TBC1D22B: variants seen among roughly 807,000 people sequenced by gnomAD.
The protein encoded by TBC1D22B is TBC1 domain family member 22B, also known as chromosome 6 open reading frame 197.
TBC1D22B carries 32 observed loss-of-function variants against 69.1 expected under a neutral mutation model. The ratio of observed to expected loss-of-function variants is 0.46; its 90% CI spans 0.35 to 0.62. TBC1D22B has a LOEUF of 0.62. Among genes scored for constraint, TBC1D22B ranks in the 20% least tolerant of loss-of-function variants. The pLI, the probability that TBC1D22B is intolerant of heterozygous loss-of-function variation, is 0.00. For synonymous variants in TBC1D22B, 206 were observed against 229.8 expected, an observed-to-expected ratio of 0.90 and a Z score of 0.94; for missense variants, 462 against 630.9, an observed-to-expected ratio of 0.73 and a Z score of 2.87.
chr6:37,330,222 C>CTTTTTTTTTTTTTTTT lies in TBC1D22B; in HGVS notation c.1390-802_1390-787dup. On this transcript the variant is annotated intron_variant, in intron 12 of 12. Transcript: ENST00000373491. Reference sequence around the variant, plus strand: ...GATGTTATAAATATTTTGTCCGTTTCTTTTTTTTTTTTTTTTTTTTTTTTT... The same window carrying CTTTTTTTTTTTTTTTT: ...GATGTTATAAATATTTTGTCCGTTTCTTTTTTTTTTTTTTTTTTTTTTTTTTTTTTTTTTTTTTTTT... 2.6e-5 allele frequency among the ~76,000 whole-genome samples: 2 copies of CTTTTTTTTTTTTTTTT among 75,582 alleles called. 1 individual carries two copies. The highest frequency in any genetic ancestry group is 4.8e-5 in the Non-Finnish European group (2 of 41,574). The allele number at this position is 75,582 out of a possible 152,430, so 49.6% of individuals were successfully genotyped here.
chr6:37,260,635 A>G (rs1766059461), intron 1 of TBC1D22B, among the ~76,000 whole-genome samples: 1 of 152,188 alleles, frequency 6.6e-6, no homozygotes, highest in African/African-American at 2.4e-5. Flanking sequence ...ACCTGTTTAC[A>G]GTCACTCCCC....
At chr6:37,278,181 A>C (rs1224898524) in intron 2 of TBC1D22B, among the ~76,000 whole-genome samples, 6 of 152,190 alleles carry the variant, frequency 3.9e-5, no homozygotes, top group Non-Finnish European at 7.3e-5. Flanking sequence ...AAACAATCTT[A>C]TTAAATCCAG....
chr6:37,303,854 C>T (rs1767634550), intron 8 of TBC1D22B, among the ~76,000 whole-genome samples: 1 of 152,182 alleles, frequency 6.6e-6, no homozygotes, highest in African/African-American at 2.4e-5. Flanking sequence ...CTATTTCTGT[C>T]ACTCTGTAGA....
At chr6:37,275,756 AG>A (rs1766649496) in intron 2 of TBC1D22B, among the ~76,000 whole-genome samples, 2 of 152,180 alleles carry the variant, frequency 1.3e-5, no homozygotes, top group Admixed American at 1.3e-4. Flanking sequence ...GAATATGGCT[AG>A]TGAGTAGCCA....
At chr6:37,277,001 G>A (rs922263073) in intron 2 of TBC1D22B, among the ~76,000 whole-genome samples, 2 of 152,166 alleles carry the variant, frequency 1.3e-5, no homozygotes, top group East Asian at 1.9e-4. Context: ...GCTGGTTAAC[G>A]GCCTTCATTT....
rs1768606720 is a variant in TBC1D22B at position 37,332,352 on chromosome 6, C to G, written c.*1180C>G. ...GGAAGGGACTGCAGAGGCGGGCAAG[C>G]CCTCTCTATGTGTTTTTATCCCCAC... On this transcript the variant is annotated 3_prime_UTR_variant, in exon 13 of 13. Transcript: ENST00000373491. 1 of 152,502 alleles carries G rather than the reference C, an allele frequency of 6.6e-6. No individual in the cohort carries two copies. Among genetic ancestry groups the G allele is most frequent in the Admixed American group, 6.6e-5 (1 of 15,266 alleles). 9.4% of individuals were successfully genotyped at this position (152,502 alleles called of 1,614,324 possible).
intron 8 of TBC1D22B, among the ~76,000 whole-genome samples, chr6:37,298,478 A>G (rs746622232): frequency 1.3e-5 from 2 of 151,702 alleles, no homozygotes; most frequent in Non-Finnish European, 2.9e-5. Context: ...CATTATTTCT[A>G]TAACAAGACT....
intron 8 of TBC1D22B, among the ~76,000 whole-genome samples, chr6:37,307,180 C>T (rs1218950340): frequency 2.0e-5 from 3 of 152,124 alleles, no homozygotes; most frequent in South Asian, 4.2e-4. Context: ...TGAACCAGTT[C>T]AAAATTATTA....
intron 1 of TBC1D22B, 189 bp downstream of exon 1, chr6:37,258,162 T>A (rs1308989742): frequency 1.6e-6 from 1 of 634,714 alleles, no homozygotes; most frequent in African/African-American, 1.9e-5. Context: ...CGGCTGGATG[T>A]GGGTGTAGAC....
chr6:37,261,121 A>G (rs1464521817), intron 1 of TBC1D22B, among the ~76,000 whole-genome samples: 1 of 152,170 alleles, frequency 6.6e-6, no homozygotes, highest in Non-Finnish European at 1.5e-5. Flanking sequence ...ATTAATGCCT[A>G]GAAGATAAGA....
intron 12 of TBC1D22B, among the ~76,000 whole-genome samples, chr6:37,318,228 G>A (rs1354477335): frequency 1.3e-5 from 2 of 152,184 alleles, no homozygotes; most frequent in Admixed American, 1.3e-4. Flanking sequence ...GTGAGAAGTG[G>A]CCAGATTTTG....
At chr6:37,317,081 G>A (rs1443363666) in intron 11 of TBC1D22B, 30 bp from the exon 12 acceptor site, 1 of 1,549,778 alleles carries the variant, frequency 6.5e-7, no homozygotes, top group South Asian at 1.2e-5. Flanking sequence ...TCAGGGCTGG[G>A]AGACCTAACT....
At chr6:37,325,050 A>G (rs145967500) in intron 12 of TBC1D22B, among the ~76,000 whole-genome samples, 26 of 152,172 alleles carry the variant, frequency 1.7e-4, no homozygotes, top group Admixed American at 4.6e-4. Flanking sequence ...CTTCCTCCTC[A>G]ATTATTCTCC....
chr6:37,299,924 G>A (rs169019), intron 8 of TBC1D22B, among the ~76,000 whole-genome samples: 1 of 150,430 alleles, frequency 6.6e-6, no homozygotes, highest in African/African-American at 2.5e-5. Flanking sequence ...CAGGAGAATC[G>A]CTTGAACCTG....
chr6:37,324,445 TA>T, intron 12 of TBC1D22B: 1 of 447,638 alleles, frequency 2.2e-6, no homozygotes, highest in Non-Finnish European at 4.5e-6. Context: ...CTGGATACTT[TA>T]TAAGGACTGT....
intron 6 of TBC1D22B, 49 bp downstream of exon 6, chr6:37,284,513 G>A (rs1365124175): frequency 6.6e-7 from 1 of 1,517,872 alleles, no homozygotes; most frequent in Non-Finnish European, 8.8e-7. Flanking sequence ...TATACTTTAG[G>A]TATGTCTCAT....
chr6:37,260,914 T>G (rs1247785315), intron 1 of TBC1D22B, among the ~76,000 whole-genome samples: 1 of 152,190 alleles, frequency 6.6e-6, no homozygotes. Context: ...TGTTTTCACT[T>G]TTGGGCTATT....
intron 1 of TBC1D22B, among the ~76,000 whole-genome samples, chr6:37,267,352 CACACATATATAATATATAT>C (rs1562039498): frequency 3.4e-5 from 4 of 117,232 alleles, no homozygotes; most frequent in African/African-American, 1.7e-4. Context: ...TATATATATA[CACACATATATAATATATAT>C]ACACACATAT....
chr6:37,325,842 C>T (rs1768381436), intron 12 of TBC1D22B, among the ~76,000 whole-genome samples: 1 of 152,140 alleles, frequency 6.6e-6, no homozygotes, highest in African/African-American at 2.4e-5. Flanking sequence ...ATCCACTGGG[C>T]AGGGTTTCCC....
Sources: gnomAD v4.1 joint callset for allele counts (sites outside exome capture counted in the v4.1 genomes callset) on GRCh38, gnomAD v4.1.1 for gene constraint, MANE v1.5 for transcripts, NCBI Gene and HGNC (gene_info 2026-07-23, HGNC 2026-07-21) for gene names.